Variants in MICAL3 observed in about 807,000 individuals in gnomAD.
MICAL3 encodes the protein [F-actin]-monooxygenase MICAL3.
Under a neutral mutation model 207.4 loss-of-function variants are expected in MICAL3, and 62 were observed. The observed-to-expected ratio is 0.30, with a 90% confidence interval of 0.24 to 0.37. MICAL3 has a LOEUF of 0.37. MICAL3 is among the 10% of genes least tolerant of loss of function. The probability of loss-of-function intolerance (pLI) is 1.00; values close to 1 mark genes in which losing one functional copy is unlikely to be tolerated. For synonymous variants in MICAL3, 1,077 were observed against 1,069.3 expected, an observed-to-expected ratio of 1.01 and a Z score of -0.14; for missense variants, 2,368 against 2,635.6, an observed-to-expected ratio of 0.90 and a Z score of 2.22.
At chr22:17,813,668 T>C (rs1261791911) in intron 27 of MICAL3, 1 of 152,224 alleles carries the variant, frequency 6.6e-6, no homozygotes, top group African/African-American at 2.4e-5. Context: ...ATGGCTGATG[T>C]CAATAGCAAT....
Position 17,871,972 on chromosome 22 carries a change from A to G in MICAL3, c.2293T>C (p.Tyr765His). ...PQNLGGSDTC[Y>H]FCQKRVYVME... Reference sequence around the variant, plus strand: ...ACGTAGACCCGCTTCTGGCAGAAGTAGCATGTGTCGCTGCCTCCCAGGTTC... The same window carrying G: ...ACGTAGACCCGCTTCTGGCAGAAGTGGCATGTGTCGCTGCCTCCCAGGTTC... Residue 765 changes from tyrosine (Y) to histidine (H), a missense_variant, in exon 17 of 32, where the codon TAC becomes CAC. Coordinates refer to ENST00000441493, the MANE Select transcript of MICAL3 (RefSeq NM_015241.3). 6.2e-7 allele frequency: 1 copy of G among 1,611,282 alleles called. No homozygotes were observed. Among genetic ancestry groups the G allele is most frequent in the South Asian group, 1.1e-5 (1 of 90,190 alleles).
At chr22:18,019,755 G>A in intron 1 of MICAL3, 1 of 220,412 alleles carries the variant, frequency 4.5e-6, no homozygotes, top group Non-Finnish European at 9.5e-6. Context: ...GCAGAATCTT[G>A]GAATGCGGCT....
rs531414437 is a variant in MICAL3, at chr22:17,796,122, C to T, written c.5651-4821G>A. Among the ~76,000 whole-genome samples, 144 of 152,308 alleles carry T rather than the reference C, an allele frequency of 9.5e-4. 1 individual carries two copies. Among genetic ancestry groups the T allele is most frequent in the African/African-American group, 3.4e-3 (141 of 41,554 alleles). ...CCTGCGTGCCCTGGGCGCTGGCCAC[C>T]CCTCCTGAGCTCCCGAGCAGTGAGC... On this transcript the variant is annotated intron_variant, in intron 29 of 31. Coordinates refer to ENST00000441493, the MANE Select transcript of MICAL3 (RefSeq NM_015241.3). The surrounding 1 kb of genome is among the most constrained non-coding windows in gnomAD (Gnocchi z 4.4).
intron 19 of MICAL3, among the ~76,000 whole-genome samples, chr22:17,858,289 G>A (rs1303048988): frequency 6.6e-6 from 1 of 152,234 alleles, no homozygotes; most frequent in East Asian, 1.9e-4. Context: ...AGCCCACAGT[G>A]CCATGACCTG....
intron 28 of MICAL3, among the ~76,000 whole-genome samples, chr22:17,810,051 GCTATTTTTTT>G (rs2062027225): frequency 7.5e-6 from 1 of 133,704 alleles, no homozygotes; most frequent in South Asian, 2.4e-4. Context: ...ACTATGCCTG[GCTATTTTTTT>G]TTTTTTTTTT....
rs79066135 is a variant in MICAL3 at position 17,841,084 on chromosome 22, T to A, written c.2801+738A>T. ...ATCAAGGTGTGTGATTCAAATGCTC[T>A]CCAAGGCCACTTGAGGCCTCTGCCC... On this transcript the variant is annotated intron_variant, in intron 20 of 31. Coordinates refer to ENST00000441493, the MANE Select transcript of MICAL3 (RefSeq NM_015241.3). The surrounding 1 kb of genome is among the most constrained non-coding windows in gnomAD (Gnocchi z 4.2). 0.056 allele frequency: 8,579 copies of A among 152,494 alleles called. 301 individuals are homozygous for A. Among genetic ancestry groups the A allele is most frequent in the African/African-American group, 0.091 (3,795 of 41,566 alleles). The allele number at this position is 152,494 out of a possible 1,614,324, so 9.4% of individuals were successfully genotyped here.
At chr22:17,849,643 AATGTGTGTGTGTGTGTGT>A (rs1440283668) in intron 19 of MICAL3, among the ~76,000 whole-genome samples, 27 of 120,160 alleles carry the variant, frequency 2.2e-4, no homozygotes, top group African/African-American at 3.6e-4. Context: ...CCCAGAATGG[AATGTGTGTGTGTGTGTGT>A]GTGTGTGTGT....
chr22:17,868,831 AG>A (rs1927423895), intron 17 of MICAL3, among the ~76,000 whole-genome samples: 1 of 151,624 alleles, frequency 6.6e-6, no homozygotes, highest in South Asian at 2.1e-4. Flanking sequence ...GAGAGCCCCC[AG>A]GCAAGCAGAC....
intron 11 of MICAL3, among the ~76,000 whole-genome samples, chr22:17,893,405 G>C (rs535067961): frequency 1.3e-5 from 2 of 152,216 alleles, no homozygotes; most frequent in East Asian, 3.9e-4. Context: ...TGGCTATGTT[G>C]CAGGACCCAG....
chr22:17,810,599 C>G, intron 28 of MICAL3, 104 bp downstream of exon 28: 2 of 917,822 alleles, frequency 2.2e-6, no homozygotes, highest in African/African-American at 3.2e-5. Context: ...TACCTCTGCT[C>G]TGCTCTGCAC....
chr22:17,867,861 G>A (rs1189709980), intron 17 of MICAL3, among the ~76,000 whole-genome samples: 1 of 152,170 alleles, frequency 6.6e-6, no homozygotes, highest in Non-Finnish European at 1.5e-5. Context: ...ATGTTATCAT[G>A]GCTTTCATTT....
At position 17,886,804 on chromosome 22, in the gene MICAL3, C is replaced by CA. The variant is rs55867197; in HGVS notation, c.2067+365dup. On this transcript the variant is annotated intron_variant, in intron 15 of 31. Coordinates refer to ENST00000441493, the MANE Select transcript of MICAL3 (RefSeq NM_015241.3). ...TGGGTAAGAGAGCCAGACTCTGTCT[C>CA]AAAAAAAAAAAAAAAAAAATTACAA... is the stretch of plus-strand genomic sequence containing the variant. 8.6e-3 allele frequency among the ~76,000 whole-genome samples: 832 copies of CA among 96,688 alleles called. 3 individuals are homozygous for CA. The highest frequency in any genetic ancestry group is 0.012 in the Non-Finnish European group (575 of 46,416). 63.4% of individuals were successfully genotyped at this position (96,688 alleles called of 152,430 possible).
intron 20 of MICAL3, chr22:17,834,379 A>C: frequency 1.6e-6 from 2 of 1,253,558 alleles, no homozygotes; most frequent in Non-Finnish European, 2.0e-6. Flanking sequence ...CTCACAACGC[A>C]CTTGCTAGAC....
At chr22:17,929,499 C>T (rs951504033) in intron 1 of MICAL3, among the ~76,000 whole-genome samples, 3 of 151,860 alleles carry the variant, frequency 2.0e-5, no homozygotes, top group East Asian at 3.9e-4. Flanking sequence ...TTTCCAAAGG[C>T]TCCCCTCTGT....
At chr22:17,884,345 C>T (rs369923626) in intron 16 of MICAL3, 15 of 1,591,170 alleles carry the variant, frequency 9.4e-6, no homozygotes, top group East Asian at 4.7e-5. Flanking sequence ...GCTGGCCCCA[C>T]GCTCTTGTGT....
At chr22:17,877,446 GTTATGGAGGTTAGGGAGA>G (rs1602125322) in intron 16 of MICAL3, among the ~76,000 whole-genome samples, 21 of 116,550 alleles carry the variant, frequency 1.8e-4, no homozygotes, top group South Asian at 2.6e-4. Context: ...GGTGAGGGAG[GTTATGGAGGTTAGGGAGA>G]TTATGGAGGT....
chr22:17,865,106 T>G lies in MICAL3; in HGVS notation c.2518-120A>C, dbSNP rs534066259. 5.0e-5 allele frequency: 35 copies of G among 699,466 alleles called. No individual in the cohort carries two copies. In the African/African-American group the frequency reaches 6.7e-4, roughly 13 times the overall value. The allele number at this position is 699,466 out of a possible 1,614,324, so 43.3% of individuals were successfully genotyped here. A position where few individuals can be genotyped will look rare whatever the true frequency, so the allele number is the denominator to read the frequency against. On this transcript the variant is annotated intron_variant, in intron 18 of 31. Coordinates refer to ENST00000441493, the MANE Select transcript of MICAL3 (RefSeq NM_015241.3). ...TAAATTTTATTTATTTATTTATTTATTTATTTATTTATTTATTTATTTAAG... is the reference window on the plus strand; with the variant it reads ...TAAATTTTATTTATTTATTTATTTAGTTATTTATTTATTTATTTATTTAAG...
intron 19 of MICAL3, chr22:17,860,208 A>C: frequency 1.0e-6 from 1 of 982,458 alleles, no homozygotes; most frequent in Non-Finnish European, 1.2e-6. Context: ...CATTTGTTAA[A>C]AAAAAAATTA....
chr22:17,853,291 C>G (rs1925530349), intron 19 of MICAL3, among the ~76,000 whole-genome samples: 1 of 152,150 alleles, frequency 6.6e-6, no homozygotes, highest in African/African-American at 2.4e-5. Context: ...CAACGAAGGT[C>G]CACTCCCCCA....
Sources: allele counts gnomAD v4.1 joint callset (sites outside exome capture counted in the v4.1 genomes callset), GRCh38; gene constraint gnomAD v4.1.1; non-coding constraint Gnocchi (gnomAD v3.1); transcripts MANE v1.5; gene names NCBI Gene and HGNC (gene_info 2026-07-23, HGNC 2026-07-21).